KCNQ1OT1: variants seen among roughly 807,000 people sequenced by gnomAD.
KCNQ1OT1 encodes KCNQ1 opposite strand/antisense transcript 1.
At chr11:2,685,350 A>C in exon 1 of KCNQ1OT1, 1 of 398,702 alleles carries the variant, frequency 2.5e-6, no homozygotes, top group Non-Finnish European at 4.4e-6. Context: ...TGGAGGGTAC[A>C]TGGGCAGGTA....
At chr11:2,615,054 T>C (rs879198364) in exon 1 of KCNQ1OT1, 3 of 398,318 alleles carry the variant, frequency 7.5e-6, no homozygotes, top group Admixed American at 8.8e-5. Context: ...TTTATTTAAG[T>C]CTTCTTTAAT....
chr11:2,641,153 T>A, exon 1 of KCNQ1OT1: 1 of 398,544 alleles, frequency 2.5e-6, no homozygotes. Context: ...ATTTTTAGTA[T>A]ACTGATATCT....
At chr11:2,649,527 C>T (rs993983804) in exon 1 of KCNQ1OT1, 15 of 398,428 alleles carry the variant, frequency 3.8e-5, no homozygotes, top group Non-Finnish European at 5.3e-5. Flanking sequence ...TTTCTTCCCT[C>T]ATTCTGCTTC....
chr11:2,675,462 A>G (rs945509363), exon 1 of KCNQ1OT1: 1 of 398,566 alleles, frequency 2.5e-6, no homozygotes, highest in Non-Finnish European at 4.4e-6. Context: ...AAATGGAAAA[A>G]AGTTACATAA....
Position 2,671,949 on chromosome 11 carries a change from G to C in KCNQ1OT1, n.28046C>G, listed in dbSNP as rs938706571. On this transcript the variant is annotated non_coding_transcript_exon_variant, in exon 1 of 1. Coordinates refer to ENST00000597346, the Ensembl canonical transcript of KCNQ1OT1. This position sits in a 1 kb window ranked among gnomAD's most constrained non-coding sequence, Gnocchi z 4.7. ...CAGGCAGCTAGTCTCTGTATCTGGGGTAGAAAGAGTGGGCTAAAAAGTCAG... is the reference window on the plus strand; with the variant it reads ...CAGGCAGCTAGTCTCTGTATCTGGGCTAGAAAGAGTGGGCTAAAAAGTCAG... 2 of 398,530 alleles carry C rather than the reference G, an allele frequency of 5.0e-6. No individual in the cohort carries two copies. The highest frequency in any genetic ancestry group is 4.1e-5 in the African/African-American group (2 of 48,606). 24.7% of individuals were successfully genotyped at this position (398,530 alleles called of 1,614,324 possible).
rs1343554111 is a variant in KCNQ1OT1 at position 2,620,146 on chromosome 11, A to C, written n.79849T>G. 2.5e-6 allele frequency: 1 copy of C among 397,194 alleles called. No homozygotes were observed. The highest frequency in any genetic ancestry group is 4.4e-6 in the Non-Finnish European group (1 of 225,768). The allele number at this position is 397,194 out of a possible 1,614,324, so 24.6% of individuals were successfully genotyped here. ...CTGTTCCTGCATTAATTTGCTTAAG[A>C]TAGTGGCCTCTAGCTGCATCCATGT... On this transcript the variant is annotated non_coding_transcript_exon_variant, in exon 1 of 1. Transcript: ENST00000597346. The surrounding 1 kb of genome is among the most constrained non-coding windows in gnomAD (Gnocchi z 4.5).
exon 1 of KCNQ1OT1, chr11:2,697,260 A>C (rs1850692979): frequency 2.5e-6 from 1 of 398,492 alleles, no homozygotes; most frequent in Non-Finnish European, 4.4e-6. Flanking sequence ...TGGGGGTTTC[A>C]ATAACTTTTA....
rs1850229230 is a variant in KCNQ1OT1, at chr11:2,673,609, C to T, written n.26386G>A. 2.5e-6 allele frequency: 1 copy of T among 398,758 alleles called. No homozygotes were observed. Among genetic ancestry groups the T allele is most frequent in the Admixed American group, 4.4e-5 (1 of 22,740 alleles). The allele number at this position is 398,758 out of a possible 1,614,324, so 24.7% of individuals were successfully genotyped here. On this transcript the variant is annotated non_coding_transcript_exon_variant, in exon 1 of 1. Coordinates refer to ENST00000597346, the Ensembl canonical transcript of KCNQ1OT1. This position sits in a 1 kb window ranked among gnomAD's most constrained non-coding sequence, Gnocchi z 4.5. ...GGGCTAAAGAGAAGCTAAACGTGAC[C>T]AGCCTACCCACCTTGCTACTGCTGA...
Position 2,617,054 on chromosome 11 carries a change from T to A in KCNQ1OT1, n.82941A>T. 2.5e-6 allele frequency: 1 copy of A among 398,204 alleles called. No individual in the cohort carries two copies. Among genetic ancestry groups the A allele is most frequent in the East Asian group, 3.6e-5 (1 of 28,026 alleles). The allele number at this position is 398,204 out of a possible 1,614,324, so 24.7% of individuals were successfully genotyped here. A position where few individuals can be genotyped will look rare whatever the true frequency, so the allele number is the denominator to read the frequency against. ...ATAGTGATGCAAATTAATATGTCCA[T>A]CATCTCACAGTTATTCTTTTGTGTG... On this transcript the variant is annotated non_coding_transcript_exon_variant, in exon 1 of 1. Transcript: ENST00000597346. This position sits in a 1 kb window ranked among gnomAD's most constrained non-coding sequence, Gnocchi z 4.6.
At chr11:2,696,775 T>C in exon 1 of KCNQ1OT1, 1 of 398,630 alleles carries the variant, frequency 2.5e-6, no homozygotes. Context: ...TCGTCGTCTT[T>C]GTTAATTCCT....
Position 2,663,675 on chromosome 11 carries a change from T to C in KCNQ1OT1, n.36320A>G. 1 of 398,702 alleles carries C rather than the reference T, an allele frequency of 2.5e-6. No homozygotes were observed. The highest frequency in any genetic ancestry group is 4.4e-6 in the Non-Finnish European group (1 of 226,106). The allele number at this position is 398,702 out of a possible 1,614,324, so 24.7% of individuals were successfully genotyped here. ...GGAGAGGGCCATCACCCACAGTCCA[T>C]CTAGCTGGGCAGCCAGGCCTTACCA... On this transcript the variant is annotated non_coding_transcript_exon_variant, in exon 1 of 1. Coordinates refer to ENST00000597346, the Ensembl canonical transcript of KCNQ1OT1. The surrounding 1 kb of genome is among the most constrained non-coding windows in gnomAD (Gnocchi z 5.2).
Position 2,654,833 on chromosome 11 carries a change from G to A in KCNQ1OT1, n.45162C>T, listed in dbSNP as rs1020153377. On this transcript the variant is annotated non_coding_transcript_exon_variant, in exon 1 of 1. Coordinates refer to ENST00000597346, the Ensembl canonical transcript of KCNQ1OT1. The surrounding 1 kb of genome is among the most constrained non-coding windows in gnomAD (Gnocchi z 6.4). ...GACTTTCATGATAGGAGAGCTCTAT[G>A]TAGCCTCATGGGCAGCTCCAGGCCA... The A allele has an allele frequency of 3.5e-5, 14 of 398,502 alleles. No individual in the cohort carries two copies. In the Admixed American group the frequency reaches 6.2e-4, roughly 18 times the overall value. The allele number at this position is 398,502 out of a possible 1,614,324, so 24.7% of individuals were successfully genotyped here.
exon 1 of KCNQ1OT1, chr11:2,696,243 C>A: frequency 2.5e-6 from 1 of 398,656 alleles, no homozygotes; most frequent in Non-Finnish European, 4.4e-6. Context: ...TGGCAACTAC[C>A]TTTTGCTTTC....
chr11:2,661,916 G>GT lies in KCNQ1OT1; in HGVS notation n.38078dup, dbSNP rs1218374131. On this transcript the variant is annotated non_coding_transcript_exon_variant, in exon 1 of 1. Transcript: ENST00000597346. This position sits in a 1 kb window ranked among gnomAD's most constrained non-coding sequence, Gnocchi z 5.9. ...AGGCCTGGCTCCACAGCACTGGCAG[G>GT]TTGGGTGGGAGGCCTAACGTGCTGT... 6.2e-7 allele frequency: 1 copy of GT among 1,613,746 alleles called. No homozygotes were observed. Among genetic ancestry groups the GT allele is most frequent in the African/African-American group, 1.3e-5 (1 of 74,912 alleles).
Position 2,612,931 on chromosome 11 carries a change from C to T in KCNQ1OT1, n.87064G>A. The T allele has an allele frequency of 2.5e-6, 1 of 398,602 alleles. No homozygotes were observed. The highest frequency in any genetic ancestry group is 4.4e-6 in the Non-Finnish European group (1 of 226,054). The allele number at this position is 398,602 out of a possible 1,614,324, so 24.7% of individuals were successfully genotyped here. A position where few individuals can be genotyped will look rare whatever the true frequency, so the allele number is the denominator to read the frequency against. ...GTTTGCTCGCTTGTGTATGCCTTCT[C>T]TGCATGGATTCTGCAGAGTCTGTGT... On this transcript the variant is annotated non_coding_transcript_exon_variant, in exon 1 of 1. Transcript: ENST00000597346. The surrounding 1 kb of genome is among the most constrained non-coding windows in gnomAD (Gnocchi z 5.5).
exon 1 of KCNQ1OT1, chr11:2,640,243 G>A (rs1458168638): frequency 1.0e-5 from 4 of 396,648 alleles, no homozygotes; most frequent in African/African-American, 4.1e-5. Flanking sequence ...GAGCCCCAGT[G>A]AGATGAACCC....
Position 2,652,393 on chromosome 11 carries a change from CA to C in KCNQ1OT1, n.47601del, listed in dbSNP as rs1849771293. The C allele has an allele frequency of 2.5e-6, 1 of 398,626 alleles. No homozygotes were observed. Among genetic ancestry groups the C allele is most frequent in the Non-Finnish European group, 4.4e-6 (1 of 226,052 alleles). The allele number at this position is 398,626 out of a possible 1,614,324, so 24.7% of individuals were successfully genotyped here. A position where few individuals can be genotyped will look rare whatever the true frequency, so the allele number is the denominator to read the frequency against. ...AGATCGCTCTTAATTAGATTAAAAA[CA>C]TTTTTTTCTTCCTGTGTAATTTTGT... On this transcript the variant is annotated non_coding_transcript_exon_variant, in exon 1 of 1. Transcript: ENST00000597346. This position sits in a 1 kb window ranked among gnomAD's most constrained non-coding sequence, Gnocchi z 5.9.
chr11:2,663,653 G>A lies in KCNQ1OT1; in HGVS notation n.36342C>T, dbSNP rs1850010260. Reference sequence around the variant, plus strand: ...CATGCAAAAAGTCCTACTGGGAGGAGAGGGCCATCACCCACAGTCCATCTA... The same window carrying A: ...CATGCAAAAAGTCCTACTGGGAGGAAAGGGCCATCACCCACAGTCCATCTA... On this transcript the variant is annotated non_coding_transcript_exon_variant, in exon 1 of 1. Transcript: ENST00000597346. The surrounding 1 kb of genome is among the most constrained non-coding windows in gnomAD (Gnocchi z 5.2). The A allele has an allele frequency of 2.5e-6, 1 of 398,574 alleles. No individual in the cohort carries two copies. The highest frequency in any genetic ancestry group is 2.1e-5 in the African/African-American group (1 of 48,634). 24.7% of individuals were successfully genotyped at this position (398,574 alleles called of 1,614,324 possible). A position where few individuals can be genotyped will look rare whatever the true frequency, so the allele number is the denominator to read the frequency against.
In KCNQ1OT1 at chr11:2,687,696, G is replaced by C. The variant is rs1019893959; in HGVS notation, n.12299C>G. 5 of 398,654 alleles carry C rather than the reference G, an allele frequency of 1.3e-5. No homozygotes were observed. Among genetic ancestry groups the C allele is most frequent in the Non-Finnish European group, 1.8e-5 (4 of 226,222 alleles). 24.7% of individuals were successfully genotyped at this position (398,654 alleles called of 1,614,324 possible). On this transcript the variant is annotated non_coding_transcript_exon_variant, in exon 1 of 1. Coordinates refer to ENST00000597346, the Ensembl canonical transcript of KCNQ1OT1. The surrounding 1 kb of genome is among the most constrained non-coding windows in gnomAD (Gnocchi z 5.0). Reference sequence around the variant, plus strand: ...TCAGGGAGCTCAGGGTTCAGTGTTGGAATGGGTCTGGGCCCAGATTTCAAG... The same window carrying C: ...TCAGGGAGCTCAGGGTTCAGTGTTGCAATGGGTCTGGGCCCAGATTTCAAG...
Sources: allele counts gnomAD v4.1 joint callset, GRCh38; gene constraint gnomAD v4.1.1; non-coding constraint Gnocchi (gnomAD v3.1); transcripts MANE v1.5; gene names NCBI Gene and HGNC (gene_info 2026-07-23, HGNC 2026-07-21).